Variants in TNKS2 observed in about 807,000 individuals in gnomAD.
TNKS2 encodes the protein tankyrase 2.
TNKS2 carries 72 observed loss-of-function variants against 137.6 expected under a neutral mutation model. That is an observed-to-expected ratio of 0.52 (90% CI 0.43 to 0.64). The LOEUF is 0.64. Ranked by LOEUF, TNKS2 falls within the 30% of genes least tolerant of loss-of-function variation. The pLI is 0.00. For synonymous variants in TNKS2, 516 were observed against 512.1 expected, an observed-to-expected ratio of 1.01 and a Z score of -0.10; for missense variants, 1,049 against 1,410.2, an observed-to-expected ratio of 0.74 and a Z score of 4.10.
At chr10:91,815,970 A>G (rs1209303375) in intron 2 of TNKS2, among the ~76,000 whole-genome samples, 1 of 106,406 alleles carries the variant, frequency 9.4e-6, no homozygotes, top group Non-Finnish European at 1.9e-5. Flanking sequence ...TTTTTTTGAG[A>G]CGGAGTCTTG....
chr10:91,830,620 T>C (rs946875451), intron 9 of TNKS2, among the ~76,000 whole-genome samples: 1 of 152,224 alleles, frequency 6.6e-6, no homozygotes, highest in Non-Finnish European at 1.5e-5. Flanking sequence ...GAAACAGTTT[T>C]GAAAAGGATA....
At chr10:91,822,918 G>C (rs1048278440) in intron 7 of TNKS2, among the ~76,000 whole-genome samples, 7 of 151,252 alleles carry the variant, frequency 4.6e-5, no homozygotes, top group African/African-American at 1.7e-4. Context: ...ATCATCTTGT[G>C]ACGCATCATC....
chr10:91,827,186 TAAAAG>T lies in TNKS2; in HGVS notation c.969_973del (p.Glu324IlefsTer4). The T allele has an allele frequency of 6.4e-7, 1 of 1,557,928 alleles. No homozygotes were observed. The highest frequency in any genetic ancestry group is 8.7e-7 in the Non-Finnish European group (1 of 1,150,228). On this transcript the variant is annotated frameshift_variant, in exon 8 of 27. Transcript: ENST00000371627. LOFTEE classifies it high-confidence loss of function. ...ATAGACTTGGCTCCCACACCACAGTTAAAAGAAAGATTAGCATGTGAGTATAAAAT... is the reference window on the plus strand; with the variant it reads ...ATAGACTTGGCTCCCACACCACAGTTAAAGATTAGCATGTGAGTATAAAAT...
intron 6 of TNKS2, among the ~76,000 whole-genome samples, chr10:91,821,112 A>G (rs1844876241): frequency 6.6e-6 from 1 of 151,966 alleles, no homozygotes; most frequent in Non-Finnish European, 1.5e-5. Context: ...ATCGTGGTTC[A>G]CTGCAACCTC....
At chr10:91,810,485 T>C (rs1372995909) in intron 1 of TNKS2, among the ~76,000 whole-genome samples, 1 of 151,906 alleles carries the variant, frequency 6.6e-6, no homozygotes, top group Admixed American at 6.6e-5. Context: ...AACATACTCC[T>C]TTCATTGTTG....
chr10:91,835,276 C>CTTTTTTTTCTTTTTTTTTTCTTT (rs1554838002), intron 12 of TNKS2, among the ~76,000 whole-genome samples: 2 of 141,398 alleles, frequency 1.4e-5, no homozygotes, highest in African/African-American at 5.3e-5. Context: ...GCCCATTTCT[C>CTTTTTTTTCTTTTTTTTTTCTTT]TTTTTTTTCT....
Position 91,865,180 on chromosome 10 carries a change from G to A in TNKS2, c.*2181G>A, listed in dbSNP as rs1389743090. On this transcript the variant is annotated 3_prime_UTR_variant, in exon 27 of 27. Coordinates refer to ENST00000371627, the MANE Select transcript of TNKS2 (RefSeq NM_025235.4). ...TTTTTGAAGTGAAATTTAACTTTTTGTGCAAGTAGTACTATTATACCCATC... is the reference window on the plus strand; with the variant it reads ...TTTTTGAAGTGAAATTTAACTTTTTATGCAAGTAGTACTATTATACCCATC... The A allele has an allele frequency of 6.6e-6, 1 of 151,168 alleles. No individual in the cohort carries two copies. The highest frequency in any genetic ancestry group is 2.4e-5 in the African/African-American group (1 of 40,982). 9.4% of individuals were successfully genotyped at this position (151,168 alleles called of 1,614,324 possible).
At chr10:91,837,490 G>A (rs1842062963) in intron 13 of TNKS2, among the ~76,000 whole-genome samples, 1 of 152,074 alleles carries the variant, frequency 6.6e-6, no homozygotes, top group Admixed American at 6.5e-5. Context: ...GCAACTTCAG[G>A]TCTTACCTGT....
chr10:91,842,661 G>A (rs1001842350), intron 16 of TNKS2, among the ~76,000 whole-genome samples: 2 of 152,048 alleles, frequency 1.3e-5, no homozygotes, highest in African/African-American at 2.4e-5. Context: ...TGTAGTCCCA[G>A]CTATTCAGGA....
rs1842891763 is a variant in TNKS2, at chr10:91,862,998, A to G, written c.3500A>G (p.Ter1167=). The G allele has an allele frequency of 6.3e-7, 1 of 1,599,098 alleles. No homozygotes were observed. The highest frequency in any genetic ancestry group is 2.2e-5 in the East Asian group (1 of 44,750). Residue 1167 remains the stop codon, a stop_retained_variant, in exon 27 of 27, where the codon TAA becomes TGA. Coordinates refer to ENST00000371627, the MANE Select transcript of TNKS2 (RefSeq NM_025235.4). ...AGGCCTGAAGGTATGGTCGATGGAT[A>G]AATAGTTATTTTAAGAAACTAATTC... ...IMRPEGMVDG[*]
intron 1 of TNKS2, among the ~76,000 whole-genome samples, chr10:91,802,169 T>A (rs1844192190): frequency 6.6e-6 from 1 of 152,220 alleles, no homozygotes; most frequent in African/African-American, 2.4e-5. Flanking sequence ...ATAGGACCAG[T>A]TAGACCGGAC....
At chr10:91,838,806 GT>G (rs1396110996) in intron 13 of TNKS2, among the ~76,000 whole-genome samples, 19 of 152,140 alleles carry the variant, frequency 1.2e-4, no homozygotes, top group Admixed American at 6.5e-5. Context: ...GGTTATCCCT[GT>G]TTTGGGAGTA....
At chr10:91,828,469 T>C (rs955106693) in intron 9 of TNKS2, 63 bp downstream of exon 9, 2 of 1,373,214 alleles carry the variant, frequency 1.5e-6, no homozygotes. Context: ...CTAATCATAA[T>C]ATCCTACTTT....
At chr10:91,841,475 A>T (rs745919419) in intron 15 of TNKS2, 27 bp downstream of exon 15, 3 of 1,544,284 alleles carry the variant, frequency 1.9e-6, no homozygotes, top group Non-Finnish European at 2.6e-6. Flanking sequence ...AACTGTAAAG[A>T]GTATGAATTA....
chr10:91,820,014 G>A lies in TNKS2; in HGVS notation c.709G>A (p.Val237Ile). 1 of 1,588,074 alleles carries A rather than the reference G, an allele frequency of 6.3e-7. No individual in the cohort carries two copies. The highest frequency in any genetic ancestry group is 8.6e-7 in the Non-Finnish European group (1 of 1,167,410). ...VQLLLQHGAD[V>I]HAKDKGDLVP... ...GCTGTTACTGCAACATGGAGCTGAT[G>A]TCCATGCTAAAGATAAAGGGTAAGC... The change falls in exon 6 of 27, where the codon GTC (valine) becomes ATC (isoleucine). Residue 237 changes from valine (V) to isoleucine (I), a missense_variant. This residue lies in a region of TNKS2 where 374 missense variants were observed against 460.8 expected (regional missense o/e 0.81). Coordinates refer to ENST00000371627, the MANE Select transcript of TNKS2 (RefSeq NM_025235.4).
At chr10:91,819,657 C>A (rs1844822672) in intron 5 of TNKS2, 100 bp downstream of exon 5, 1 of 974,648 alleles carries the variant, frequency 1.0e-6, no homozygotes, top group Non-Finnish European at 1.5e-6. Flanking sequence ...GAAGAGAGTG[C>A]TGATGTTTTA....
intron 1 of TNKS2, among the ~76,000 whole-genome samples, chr10:91,810,751 ACCCG>A (rs894752334): frequency 6.8e-6 from 1 of 147,230 alleles, no homozygotes; most frequent in African/African-American, 2.5e-5. Context: ...CTCGTGATCC[ACCCG>A]CCTCGGCCTC....
chr10:91,837,700 A>G (rs527689293), intron 13 of TNKS2, among the ~76,000 whole-genome samples: 1 of 152,320 alleles, frequency 6.6e-6, no homozygotes, highest in East Asian at 1.9e-4. Flanking sequence ...TCTCTACTAA[A>G]GACACAAAAA....
rs983431075 is a variant in TNKS2, at chr10:91,834,108, G to A, written c.1447+84G>A. ...TATCAGGTATTATAGGTAGGAGTTG[G>A]TAATAAGAAAAATTGAGAATTTTTG... On this transcript the variant is annotated intron_variant, in intron 12 of 26. Coordinates refer to ENST00000371627, the MANE Select transcript of TNKS2 (RefSeq NM_025235.4). 11 of 1,165,366 alleles carry A rather than the reference G, an allele frequency of 9.4e-6. No homozygotes were observed. In the Admixed American group the frequency reaches 1.7e-4, roughly 18 times the overall value. The allele number at this position is 1,165,366 out of a possible 1,614,324, so 72.2% of individuals were successfully genotyped here. A position where few individuals can be genotyped will look rare whatever the true frequency, so the allele number is the denominator to read the frequency against.
Sources: allele counts gnomAD v4.1 joint callset (sites outside exome capture counted in the v4.1 genomes callset), GRCh38; gene constraint gnomAD v4.1.1; regional missense constraint gnomAD v4.1.1; transcripts MANE v1.5; gene names NCBI Gene and HGNC (gene_info 2026-07-23, HGNC 2026-07-21).